Variants in ARB2A observed in about 807,000 individuals in gnomAD.
ARB2A encodes ARB2 cotranscriptional regulator A.
chr5:93,949,517 C>T, the ARB2A span, among the ~76,000 whole-genome samples: 11 of 152,062 alleles, frequency 7.2e-5, no homozygotes, highest in African/African-American at 2.7e-4. Context: ...GCCGAGATCA[C>T]GCCACTGCAC....
chr5:93,932,550 T>C, the ARB2A span, among the ~76,000 whole-genome samples: 3 of 152,240 alleles, frequency 2.0e-5, no homozygotes, highest in Admixed American at 6.5e-5. Flanking sequence ...TATGCAAGCA[T>C]ACATAGAGCC....
the ARB2A span, among the ~76,000 whole-genome samples, chr5:93,845,090 T>C: frequency 6.6e-6 from 1 of 152,168 alleles, no homozygotes; most frequent in Non-Finnish European, 1.5e-5. Flanking sequence ...TGAAAAGCTG[T>C]TTTTCAAAAC....
chr5:93,675,376 C>G, the ARB2A span, among the ~76,000 whole-genome samples: 2 of 152,148 alleles, frequency 1.3e-5, no homozygotes, highest in Admixed American at 6.5e-5. Flanking sequence ...TAAACTCATG[C>G]TGAGATATGA....
At chr5:93,977,604 T>C in the ARB2A span, among the ~76,000 whole-genome samples, 4 of 152,104 alleles carry the variant, frequency 2.6e-5, no homozygotes, top group Non-Finnish European at 4.4e-5. Context: ...TCTTACCATA[T>C]AGAAAAATTA....
the ARB2A span, chr5:93,620,915 G>T: frequency 7.0e-7 from 1 of 1,430,420 alleles, no homozygotes. Context: ...CTGGGAGTCC[G>T]CTCGACACAA....
At chr5:93,800,487 T>C in the ARB2A span, among the ~76,000 whole-genome samples, 1 of 151,794 alleles carries the variant, frequency 6.6e-6, no homozygotes, top group Non-Finnish European at 1.5e-5. Flanking sequence ...AGTTCTGGCA[T>C]GTTTAATTAA....
chr5:93,747,342 G>A, the ARB2A span, among the ~76,000 whole-genome samples: 1 of 151,932 alleles, frequency 6.6e-6, no homozygotes, highest in African/African-American at 2.4e-5. Flanking sequence ...GAATTTCCTT[G>A]GAATCTCTTT....
the ARB2A span, among the ~76,000 whole-genome samples, chr5:94,065,357 T>C: frequency 6.6e-6 from 1 of 152,006 alleles, no homozygotes; most frequent in Non-Finnish European, 1.5e-5. Context: ...CTCCAAAAAA[T>C]ATACAAATTA....
the ARB2A span, among the ~76,000 whole-genome samples, chr5:94,109,416 C>G: frequency 6.6e-6 from 1 of 152,028 alleles, no homozygotes; most frequent in Non-Finnish European, 1.5e-5. Flanking sequence ...CTGTGCAAAC[C>G]CAATCTGACT....
At chr5:93,679,052 A>C in the ARB2A span, among the ~76,000 whole-genome samples, 1 of 152,364 alleles carries the variant, frequency 6.6e-6, no homozygotes, top group Non-Finnish European at 1.5e-5. Flanking sequence ...TATGAAGTTC[A>C]TAACAATTTC....
chr5:93,621,544 G>A, the ARB2A span, among the ~76,000 whole-genome samples: 4 of 152,378 alleles, frequency 2.6e-5, no homozygotes, highest in East Asian at 7.7e-4. Context: ...TGGGCGGGAA[G>A]GGCCACTCCC....
chr5:94,056,437 G>C, the ARB2A span, among the ~76,000 whole-genome samples: 1 of 152,088 alleles, frequency 6.6e-6, no homozygotes, highest in African/African-American at 2.4e-5. Context: ...ATGTAAAGTT[G>C]CATTTTACCC....
chr5:93,805,685 C>A, the ARB2A span: 1 of 985,100 alleles, frequency 1.0e-6, no homozygotes, highest in Non-Finnish European at 1.2e-6. Flanking sequence ...AGAAATACAG[C>A]AATTTTGACT....
At chr5:94,104,829 T>C in the ARB2A span, among the ~76,000 whole-genome samples, 2 of 152,116 alleles carry the variant, frequency 1.3e-5, no homozygotes, top group African/African-American at 2.4e-5. Context: ...ATTCCTGTTA[T>C]ACAAGGTTGG....
At chr5:93,657,593 T>G in the ARB2A span, among the ~76,000 whole-genome samples, 1 of 152,192 alleles carries the variant, frequency 6.6e-6, no homozygotes, top group Non-Finnish European at 1.5e-5. Flanking sequence ...AAACATTTCC[T>G]AAGTGCCTTG....
At chr5:94,059,352 G>T in the ARB2A span, among the ~76,000 whole-genome samples, 1 of 151,998 alleles carries the variant, frequency 6.6e-6, no homozygotes, top group African/African-American at 2.4e-5. Flanking sequence ...GCCAGGCGTG[G>T]TTGCTCATAC....
the ARB2A span, chr5:93,865,610 G>A: frequency 1.0e-6 from 1 of 985,286 alleles, no homozygotes; most frequent in Non-Finnish European, 1.2e-6. Flanking sequence ...GACACTTGGG[G>A]CTAACATCTT....
the ARB2A span, among the ~76,000 whole-genome samples, chr5:93,898,037 C>T: frequency 6.6e-6 from 1 of 151,792 alleles, no homozygotes; most frequent in Non-Finnish European, 1.5e-5. Context: ...AGGAAGCTTC[C>T]GTGATCTGAA....
At chr5:93,794,883 G>T in the ARB2A span, among the ~76,000 whole-genome samples, 1 of 152,136 alleles carries the variant, frequency 6.6e-6, no homozygotes, top group African/African-American at 2.4e-5. Context: ...TGTGTTGATT[G>T]GTCTCCAGTC....
Sources: allele counts gnomAD v4.1 joint callset (sites outside exome capture counted in the v4.1 genomes callset), GRCh38; gene constraint gnomAD v4.1.1; transcripts MANE v1.5; gene names NCBI Gene and HGNC (gene_info 2026-07-23, HGNC 2026-07-21).